The following HSD17B4 variants were observed in gnomAD, a reference collection of about 807,000 sequenced individuals.
HSD17B4 encodes peroxisomal multifunctional enzyme type 2.
Under a neutral mutation model 101.0 loss-of-function variants are expected in HSD17B4, and 70 were observed. The observed-to-expected ratio is 0.69, with a 90% CI of 0.57 to 0.85. The LOEUF is 0.85. HSD17B4 is among the 40% of genes least tolerant of loss of function. The pLI, the probability that HSD17B4 is intolerant of heterozygous loss-of-function variation, is 0.00. For missense variants in HSD17B4, 984 were observed against 892.4 expected (o/e 1.10, Z -1.31); for synonymous variants, 347 against 297.1 (o/e 1.17, Z -1.73).
intron 11 of HSD17B4, among the ~76,000 whole-genome samples, chr5:119,494,433 T>C (rs978934621): frequency 3.3e-5 from 5 of 151,628 alleles, no homozygotes; most frequent in Non-Finnish European, 4.4e-5. Flanking sequence ...GGCTTAGCTC[T>C]TTTCTGTTTA....
At chr5:119,527,261 T>C in intron 20 of HSD17B4, 42 bp downstream of exon 20, 1 of 1,096,116 alleles carries the variant, frequency 9.1e-7, no homozygotes, top group Non-Finnish European at 1.4e-6. Context: ...TGCTTTATCA[T>C]TGTGTTCCAT....
chr5:119,455,703 T>C (rs1754562552), intron 1 of HSD17B4, among the ~76,000 whole-genome samples: 1 of 152,094 alleles, frequency 6.6e-6, no homozygotes, highest in South Asian at 2.1e-4. Flanking sequence ...ACTAGATATT[T>C]TAAGCAGCAA....
chr5:119,513,343 A>G (rs927743539), intron 16 of HSD17B4, among the ~76,000 whole-genome samples: 2 of 152,200 alleles, frequency 1.3e-5, no homozygotes, highest in African/African-American at 2.4e-5. Context: ...TAAATATAAC[A>G]TGCTATTTGT....
chr5:119,479,454 G>C (rs1024496229), intron 8 of HSD17B4, among the ~76,000 whole-genome samples: 1 of 152,104 alleles, frequency 6.6e-6, no homozygotes, highest in African/African-American at 2.4e-5. Context: ...TATTACAATT[G>C]ATGAACCAGT....
chr5:119,532,047 A>G (rs934818740), intron 22 of HSD17B4, among the ~76,000 whole-genome samples: 1 of 152,194 alleles, frequency 6.6e-6, no homozygotes, highest in Non-Finnish European at 1.5e-5. Flanking sequence ...GAGAAATTAG[A>G]GGATAAAAAG....
chr5:119,464,885 C>T lies in HSD17B4; in HGVS notation c.112+8517C>T, dbSNP rs888885200. 3.9e-5 allele frequency among the ~76,000 whole-genome samples: 6 copies of T among 152,300 alleles called. No individual in the cohort carries two copies. In the East Asian group the frequency reaches 5.8e-4, roughly 15 times the overall value. Reference sequence around the variant, plus strand: ...CTGGGATTATAGGCGTGAGCCACCGCGCCCGGCCTTTGGTAGCTCTAGCTT... The same window carrying T: ...CTGGGATTATAGGCGTGAGCCACCGTGCCCGGCCTTTGGTAGCTCTAGCTT... On this transcript the variant is annotated intron_variant, in intron 2 of 23. Transcript: ENST00000510025.
intron 17 of HSD17B4, among the ~76,000 whole-genome samples, chr5:119,523,869 G>C (rs751063804): frequency 1.3e-5 from 2 of 152,064 alleles, no homozygotes; most frequent in South Asian, 4.2e-4. Context: ...TTGAGGCTTC[G>C]AATGGTGAAG....
At chr5:119,536,676 A>C (rs1377900382) in intron 23 of HSD17B4, 126 bp downstream of exon 23, 4 of 832,304 alleles carry the variant, frequency 4.8e-6, no homozygotes, top group Non-Finnish European at 8.1e-6. Flanking sequence ...AAGATGACAC[A>C]GTTGCTACTG....
chr5:119,509,753 T>C (rs1400287963), intron 16 of HSD17B4, among the ~76,000 whole-genome samples: 4 of 152,194 alleles, frequency 2.6e-5, no homozygotes, highest in Admixed American at 2.0e-4. Context: ...ATTAAACCCT[T>C]GGATAGACGA....
chr5:119,532,527 T>C (rs1024855910), intron 22 of HSD17B4, among the ~76,000 whole-genome samples: 10 of 152,116 alleles, frequency 6.6e-5, no homozygotes, highest in Non-Finnish European at 1.5e-4. Context: ...TAATGTTTAT[T>C]GTATGGATAG....
At chr5:119,494,387 T>C (rs540732654) in intron 11 of HSD17B4, among the ~76,000 whole-genome samples, 2 of 142,618 alleles carry the variant, frequency 1.4e-5, no homozygotes, top group African/African-American at 5.2e-5. Context: ...CTTTCTTTCT[T>C]TCTCAAAAAG....
At chr5:119,497,234 C>T (rs951416659) in intron 12 of HSD17B4, among the ~76,000 whole-genome samples, 4 of 152,126 alleles carry the variant, frequency 2.6e-5, no homozygotes, top group Non-Finnish European at 5.9e-5. Context: ...ATCAGGTTAG[C>T]TGCCTGAGTG....
At chr5:119,533,025 A>G (rs928662369) in intron 22 of HSD17B4, among the ~76,000 whole-genome samples, 1 of 152,102 alleles carries the variant, frequency 6.6e-6, no homozygotes, top group African/African-American at 2.4e-5. Context: ...TATGGAATAC[A>G]TGTTTTATGT....
intron 2 of HSD17B4, among the ~76,000 whole-genome samples, chr5:119,466,305 T>C (rs1755805238): frequency 6.6e-6 from 1 of 152,214 alleles, no homozygotes; most frequent in Non-Finnish European, 1.5e-5. Context: ...GGTATCAGTA[T>C]AATGCCCACC....
rs756904109 is a variant in HSD17B4, at chr5:119,502,109, C to T, written c.1261+17C>T. 19 of 1,464,952 alleles carry T rather than the reference C, an allele frequency of 1.3e-5. No homozygotes were observed. Among genetic ancestry groups the T allele is most frequent in the Non-Finnish European group, 1.8e-5 (19 of 1,044,482 alleles). The allele number at this position is 1,464,952 out of a possible 1,614,324, so 90.7% of individuals were successfully genotyped here. Reference sequence around the variant, plus strand: ...CCAGAGCAGGTGAGTTATTGATATACTAATTCCATAATACCATACTTTTAT... The same window carrying T: ...CCAGAGCAGGTGAGTTATTGATATATTAATTCCATAATACCATACTTTTAT... On this transcript the variant is annotated intron_variant, in intron 14 of 23. Transcript: ENST00000510025.
At chr5:119,455,668 G>A (rs27938) in intron 1 of HSD17B4, among the ~76,000 whole-genome samples, 95,062 of 151,496 alleles carry the variant, frequency 0.63, 30,419 homozygotes, top group East Asian at 0.93. Flanking sequence ...TGTGTAGTCA[G>A]GGTTCACTGT....
In HSD17B4 at chr5:119,527,183, G is replaced by A. The variant is rs749942200; in HGVS notation, c.1731G>A (p.Met577Ile). ...VYPGQTLQTE[M>I]WKEGNRIHFQ... ...CAGGACAAACTCTACAAACTGAGAT[G>A]TGGAAGGAAGGAAACAGAATTCATT... Residue 577 changes from methionine (M) to isoleucine (I), a missense_variant, in exon 20 of 24, where the codon ATG (methionine) becomes ATA (isoleucine). Transcript: ENST00000510025. 1 of 1,610,004 alleles carries A rather than the reference G, an allele frequency of 6.2e-7. No homozygotes were observed. Among genetic ancestry groups the A allele is most frequent in the Non-Finnish European group, 8.5e-7 (1 of 1,176,800 alleles).
At chr5:119,454,345 AC>A (rs537934352) in intron 1 of HSD17B4, among the ~76,000 whole-genome samples, 315 of 150,540 alleles carry the variant, frequency 2.1e-3, no homozygotes, top group Non-Finnish European at 3.8e-3. Context: ...TTTACTCTGT[AC>A]CCAGGCTGGA....
At chr5:119,534,606 C>T (rs186291997) in intron 22 of HSD17B4, among the ~76,000 whole-genome samples, 46 of 152,110 alleles carry the variant, frequency 3.0e-4, no homozygotes, top group African/African-American at 7.9e-4. Context: ...ACCAGATTGC[C>T]GCTTAGGATT....
Sources: allele counts gnomAD v4.1 joint callset (sites outside exome capture counted in the v4.1 genomes callset), GRCh38; gene constraint gnomAD v4.1.1; transcripts MANE v1.5; gene names NCBI Gene and HGNC (gene_info 2026-07-23, HGNC 2026-07-21).